Variants in SLC6A16 observed in about 807,000 individuals in gnomAD.
SLC6A16 encodes orphan sodium- and chloride-dependent neurotransmitter transporter NTT5.
SLC6A16 carries 54 observed loss-of-function variants against 65.4 expected under a neutral mutation model. The ratio of observed to expected loss-of-function variants is 0.83; its 90% confidence interval spans 0.66 to 1.04. The LOEUF (loss-of-function observed/expected upper bound fraction) is 1.04. Ranked by LOEUF, SLC6A16 falls within the 50% of genes least tolerant of loss-of-function variation. The pLI is 0.00. For missense variants in SLC6A16, 816 were observed against 914.0 expected, an observed-to-expected ratio of 0.89 and a Z score of 1.38; for synonymous variants, 330 against 346.5, an observed-to-expected ratio of 0.95 and a Z score of 0.53.
the SLC6A16 span, chr19:49,339,461 G>A: frequency 1.9e-6 from 3 of 1,577,974 alleles, no homozygotes; most frequent in Non-Finnish European, 2.6e-6. This position sits in a 1 kb window ranked among gnomAD's most constrained non-coding sequence, Gnocchi z 4.5. Context: ...ATCCCTAGAT[G>A]GCCCTGCCCT....
the SLC6A16 span, chr19:49,335,942 C>A: frequency 3.0e-6 from 2 of 671,822 alleles, no homozygotes; most frequent in African/African-American, 1.8e-5. The surrounding 1 kb of genome is among the most constrained non-coding windows in gnomAD (Gnocchi z 4.6). Flanking sequence ...CCTGAGTCTT[C>A]TTCCGGCAAA....
Position 49,292,224 on chromosome 19 carries a change from G to C in SLC6A16, c.1778+999C>G, listed in dbSNP as rs952901985. On this transcript the variant is annotated intron_variant, in intron 10 of 11. Coordinates refer to ENST00000335875, the MANE Select transcript of SLC6A16 (RefSeq NM_014037.3). The surrounding 1 kb of genome is among the most constrained non-coding windows in gnomAD (Gnocchi z 4.3). The stretch of plus-strand genomic sequence containing the variant: ...TCTACTAAGAATACAAAAATTAGCC[G>C]GGCGTGGTGGTGAATGCCTGTAATC... 6.6e-6 allele frequency among the ~76,000 whole-genome samples: 1 copy of C among 152,034 alleles called. No homozygotes were observed. Among genetic ancestry groups the C allele is most frequent in the Non-Finnish European group, 1.5e-5 (1 of 67,992 alleles).
chr19:49,323,412 G>T, intron 1 of SLC6A16, among the ~76,000 whole-genome samples: 1 of 152,006 alleles, frequency 6.6e-6, no homozygotes, highest in East Asian at 1.9e-4. Flanking sequence ...CTATCAAAGG[G>T]GTGAAAAGAT....
intron 7 of SLC6A16, among the ~76,000 whole-genome samples, chr19:49,305,434 A>G (rs1316917803): frequency 6.6e-6 from 1 of 152,122 alleles, no homozygotes; most frequent in Admixed American, 6.6e-5. Context: ...TCTACTAAAA[A>G]TACAAAAATC....
At chr19:49,312,647 G>A in intron 1 of SLC6A16, 1 of 860,430 alleles carries the variant, frequency 1.2e-6, no homozygotes, top group Non-Finnish European at 1.4e-6. Flanking sequence ...GAGGAAGAGA[G>A]AGGGGAAACT....
chr19:49,310,387 G>C lies in SLC6A16; in HGVS notation c.539C>G (p.Pro180Arg), dbSNP rs1171165859. 6.2e-7 allele frequency: 1 copy of C among 1,613,946 alleles called. No individual in the cohort carries two copies. ...AGAATACCCCACACCACCAATCCAG[G>C]GGGCAATGATCTTCCATACACCCAT... is the stretch of plus-strand genomic sequence containing the variant. ...GGMGVWKIIA[P>R]WIGGVGYSSF... Residue 180 changes from proline (P) to arginine (R), a missense_variant, in exon 3 of 12, where the codon CCC (proline) becomes CGC (arginine). By Grantham distance (103) the Pro-to-Arg change is moderately radical (BLOSUM62 -2). Coordinates refer to ENST00000335875, the MANE Select transcript of SLC6A16 (RefSeq NM_014037.3).
At chr19:49,332,368 A>G in the SLC6A16 span, 1 of 442,472 alleles carries the variant, frequency 2.3e-6, no homozygotes, top group Non-Finnish European at 4.6e-6. Context: ...CAGCCTGGCC[A>G]AGATGGTGAA....
the SLC6A16 span, chr19:49,336,056 T>A: frequency 2.0e-6 from 1 of 511,256 alleles, no homozygotes; most frequent in Non-Finnish European, 3.5e-6. Flanking sequence ...AACCTTCCCC[T>A]CGCTTGAGGT....
intron 7 of SLC6A16, among the ~76,000 whole-genome samples, chr19:49,296,358 T>C (rs1230478498): frequency 6.6e-6 from 1 of 152,080 alleles, no homozygotes; most frequent in Non-Finnish European, 1.5e-5. Context: ...GGAAAAAAAA[T>C]AGCACAGTTG....
At chr19:49,319,372 T>C (rs1461883663) in intron 1 of SLC6A16, among the ~76,000 whole-genome samples, 1 of 151,798 alleles carries the variant, frequency 6.6e-6, no homozygotes, top group Non-Finnish European at 1.5e-5. Context: ...CCAAGTACTC[T>C]TCTTTACTCC....
At chr19:49,324,725 G>A (rs1453327983) in intron 1 of SLC6A16, among the ~76,000 whole-genome samples, 1 of 152,236 alleles carries the variant, frequency 6.6e-6, no homozygotes, top group East Asian at 1.9e-4. Flanking sequence ...CTAGACCCGG[G>A]TTTCTGCCAC....
At chr19:49,313,397 T>C (rs1023456739) in intron 1 of SLC6A16, among the ~76,000 whole-genome samples, 1 of 152,056 alleles carries the variant, frequency 6.6e-6, no homozygotes, top group Non-Finnish European at 1.5e-5. Flanking sequence ...ACTCCTGTGC[T>C]CAAGTGAGTC....
chr19:49,310,261 C>A, intron 3 of SLC6A16, 92 bp downstream of exon 3: 1 of 1,603,118 alleles, frequency 6.2e-7, no homozygotes, highest in Non-Finnish European at 8.5e-7. Flanking sequence ...GGGATCTGAC[C>A]CATGGAGGTA....
At chr19:49,326,047 G>C (rs1970793169), upstream of SLC6A16, among the ~76,000 whole-genome samples, 1 of 151,668 alleles carries the variant, frequency 6.6e-6, no homozygotes. Flanking sequence ...GCACACACCT[G>C]TAATCCCAGC....
At chr19:49,337,722 C>A in the SLC6A16 span, 1 of 1,535,168 alleles carries the variant, frequency 6.5e-7, no homozygotes, top group African/African-American at 1.4e-5. Context: ...AATAGACGCC[C>A]TGAAAGAAGA....
intron 7 of SLC6A16, 90 bp downstream of exon 7, chr19:49,308,786 A>G: frequency 2.0e-6 from 3 of 1,523,844 alleles, no homozygotes; most frequent in Non-Finnish European, 1.8e-6. Flanking sequence ...AAATGTGTGA[A>G]CATGGGTCTT....
At chr19:49,321,020 C>T (rs888372331) in intron 1 of SLC6A16, among the ~76,000 whole-genome samples, 2 of 152,092 alleles carry the variant, frequency 1.3e-5, no homozygotes, top group Admixed American at 1.3e-4. Flanking sequence ...ATAAGGCCAA[C>T]ATTGCCCTAA....
the SLC6A16 span, chr19:49,340,156 C>G: frequency 6.4e-5 from 92 of 1,438,638 alleles, no homozygotes; most frequent in Non-Finnish European, 8.4e-5. Flanking sequence ...GCCCAATTCA[C>G]GGCCCCACCC....
In SLC6A16 at chr19:49,309,356, C is replaced by G; in HGVS notation, c.932G>C (p.Arg311Pro). 6.2e-7 allele frequency: 1 copy of G among 1,613,958 alleles called. No homozygotes were observed. ...TTTTGCCCCTTCCAGGAGTAGAGTC[C>G]GGATGAAGAAACCGACAATGATGAA... ...PCFIIVGFFIRTLLLEGAKFG... is the reference protein window; with the variant it reads ...PCFIIVGFFIPTLLLEGAKFG... The change falls in exon 6 of 12, where the codon CGG (arginine) becomes CCG (proline). Residue 311 changes from arginine (R) to proline (P), a missense_variant. Transcript: ENST00000335875.
Sources: allele counts gnomAD v4.1 joint callset (sites outside exome capture counted in the v4.1 genomes callset), GRCh38; gene constraint gnomAD v4.1.1; non-coding constraint Gnocchi (gnomAD v3.1); transcripts MANE v1.5; gene names NCBI Gene and HGNC (gene_info 2026-07-23, HGNC 2026-07-21).